PTPRM: variants seen among roughly 807,000 people sequenced by gnomAD.
PTPRM encodes receptor-type tyrosine-protein phosphatase mu.
Under a neutral mutation model 186.7 loss-of-function variants are expected in PTPRM, and 47 were observed. That is an observed-to-expected ratio of 0.25 (90% CI 0.20 to 0.32). The LOEUF is 0.32. PTPRM is among the 10% of genes least tolerant of loss of function. The pLI is 1.00. For missense variants in PTPRM, 1,494 were observed against 1,865.0 expected (o/e 0.80, Z 3.66); for synonymous variants, 668 against 674.9 (o/e 0.99, Z 0.16).
intron 13 of PTPRM, among the ~76,000 whole-genome samples, chr18:8,134,272 T>A (rs371506560): frequency 2.6e-5 from 4 of 152,196 alleles, no homozygotes; most frequent in African/African-American, 9.7e-5. Context: ...TGGTTATTGT[T>A]CTCTTTACAA....
At chr18:8,237,441 T>TA (rs199534453) in intron 14 of PTPRM, among the ~76,000 whole-genome samples, 47 of 102,586 alleles carry the variant, frequency 4.6e-4, no homozygotes, top group East Asian at 2.6e-3. Flanking sequence ...ATTTTTTTTT[T>TA]TTTTTTTTTT....
intron 13 of PTPRM, among the ~76,000 whole-genome samples, chr18:8,132,163 T>G (rs1355051569): frequency 6.6e-6 from 1 of 152,208 alleles, no homozygotes; most frequent in Non-Finnish European, 1.5e-5. Context: ...TTACAGTGAT[T>G]TAATTTGGTA....
intron 11 of PTPRM, among the ~76,000 whole-genome samples, chr18:8,104,155 C>T (rs1313151058): frequency 6.6e-6 from 1 of 152,148 alleles, no homozygotes; most frequent in Non-Finnish European, 1.5e-5. Context: ...TAAGTGCATG[C>T]TGTAAGATAA....
intron 1 of PTPRM, among the ~76,000 whole-genome samples, chr18:7,723,103 T>C (rs2040479435): frequency 1.3e-5 from 2 of 152,112 alleles, no homozygotes; most frequent in African/African-American, 4.8e-5. Context: ...TTAAGGGAAA[T>C]AGGGGAAATG....
At chr18:8,240,785 A>AGGGG (rs1568584610) in intron 14 of PTPRM, among the ~76,000 whole-genome samples, 2 of 24,784 alleles carry the variant, frequency 8.1e-5, no homozygotes, top group African/African-American at 4.9e-4. Flanking sequence ...AGGGAGAGAG[A>AGGGG]GAGAGAGAGA....
chr18:8,378,682 C>A (rs886101598), intron 27 of PTPRM, among the ~76,000 whole-genome samples: 2 of 152,184 alleles, frequency 1.3e-5, no homozygotes, highest in South Asian at 4.1e-4. Flanking sequence ...CATTTCCACT[C>A]CTTCCCTCTG....
chr18:8,354,753 T>G (rs1040768051), intron 23 of PTPRM, among the ~76,000 whole-genome samples: 1 of 152,220 alleles, frequency 6.6e-6, no homozygotes, highest in Non-Finnish European at 1.5e-5. Flanking sequence ...GAGATGTCTT[T>G]GGTACGTACC....
At chr18:8,279,613 A>ACAGAACGTCTCCCTGCT (rs1555838089) in intron 19 of PTPRM, among the ~76,000 whole-genome samples, 1 of 152,206 alleles carries the variant, frequency 6.6e-6, no homozygotes, top group Non-Finnish European at 1.5e-5. Flanking sequence ...TAGTCGTGAG[A>ACAGAACGTCTCCCTGCT]CAGAACGTCT....
intron 19 of PTPRM, among the ~76,000 whole-genome samples, chr18:8,284,555 T>G (rs1568664391): frequency 6.6e-6 from 1 of 152,058 alleles, no homozygotes; most frequent in Non-Finnish European, 1.5e-5. Context: ...AATGTCTATT[T>G]TCAGTATTAC....
At chr18:7,724,493 C>CA (rs759329003) in intron 1 of PTPRM, among the ~76,000 whole-genome samples, 86 of 151,782 alleles carry the variant, frequency 5.7e-4, no homozygotes, top group African/African-American at 1.7e-3. Flanking sequence ...AAACCATTAG[C>CA]ACACCTGTAG....
At chr18:7,720,125 A>C (rs539447240) in intron 1 of PTPRM, among the ~76,000 whole-genome samples, 1 of 152,164 alleles carries the variant, frequency 6.6e-6, no homozygotes, top group African/African-American at 2.4e-5. Flanking sequence ...TGATAGGACA[A>C]CTCATTATCA....
At chr18:8,278,888 A>C (rs2094868562) in intron 19 of PTPRM, among the ~76,000 whole-genome samples, 1 of 152,104 alleles carries the variant, frequency 6.6e-6, no homozygotes, top group African/African-American at 2.4e-5. Flanking sequence ...CACACTGTTT[A>C]CTTCTTTTTC....
chr18:8,349,119 G>C, intron 23 of PTPRM, among the ~76,000 whole-genome samples: 1 of 152,066 alleles, frequency 6.6e-6, no homozygotes, highest in Non-Finnish European at 1.5e-5. Context: ...ATACAAGGAA[G>C]GTATATTAAG....
intron 3 of PTPRM, among the ~76,000 whole-genome samples, chr18:7,896,575 G>T (rs1300000916): frequency 6.6e-6 from 1 of 152,188 alleles, no homozygotes; most frequent in Non-Finnish European, 1.5e-5. Flanking sequence ...AAGTGGGGCT[G>T]GGGAGGGTGG....
At chr18:7,822,246 A>T (rs916143167) in intron 2 of PTPRM, among the ~76,000 whole-genome samples, 1 of 152,198 alleles carries the variant, frequency 6.6e-6, no homozygotes, top group Non-Finnish European at 1.5e-5. Context: ...CAAACTCTAA[A>T]CTATCTCATC....
At chr18:7,851,086 T>G (rs1358611026) in intron 2 of PTPRM, among the ~76,000 whole-genome samples, 1 of 151,974 alleles carries the variant, frequency 6.6e-6, no homozygotes, top group Admixed American at 6.6e-5. Flanking sequence ...ACCTAGTGAG[T>G]TGGTTTAAGA....
intron 19 of PTPRM, among the ~76,000 whole-genome samples, chr18:8,291,233 A>G (rs1290370309): frequency 6.6e-6 from 1 of 152,160 alleles, no homozygotes; most frequent in Admixed American, 6.5e-5. Context: ...ACAAGGGAAG[A>G]CTCTGAGGTG....
chr18:7,615,188 A>G (rs1055899934), intron 1 of PTPRM, among the ~76,000 whole-genome samples: 3 of 152,232 alleles, frequency 2.0e-5, no homozygotes, highest in Non-Finnish European at 4.4e-5. Context: ...AAACCTCATC[A>G]TTTAAATACA....
At position 7,844,477 on chromosome 18, in the gene PTPRM, C is replaced by G. The variant is rs117737975; in HGVS notation, c.197-43629C>G. 5.9e-5 allele frequency among the ~76,000 whole-genome samples: 9 copies of G among 152,250 alleles called. No individual in the cohort carries two copies. In the East Asian group the frequency reaches 1.7e-3, roughly 29 times the overall value. On this transcript the variant is annotated intron_variant, in intron 2 of 32. Coordinates refer to ENST00000580170, the MANE Select transcript of PTPRM (RefSeq NM_001105244.2). ...AAAGAGACAAGTTATCTCCCTCCCA[C>G]CCCCTCAACATGCAATGGTAGGACG... is the stretch of plus-strand genomic sequence containing the variant.
Sources: allele counts gnomAD v4.1 joint callset (sites outside exome capture counted in the v4.1 genomes callset), GRCh38; gene constraint gnomAD v4.1.1; transcripts MANE v1.5; gene names NCBI Gene and HGNC (gene_info 2026-07-23, HGNC 2026-07-21).